The following SOCS7 variants were observed in gnomAD, a reference collection of about 807,000 sequenced individuals.
The protein encoded by SOCS7 is suppressor of cytokine signaling 7.
A neutral mutation model predicts 58.9 loss-of-function variants in SOCS7; 18 were observed. The ratio of observed to expected loss-of-function variants is 0.31; its 90% CI spans 0.21 to 0.45. The LOEUF (loss-of-function observed/expected upper bound fraction) is 0.45. SOCS7 is among the 20% of genes least tolerant of loss of function. SOCS7 has a pLI of 1.00. For missense variants in SOCS7, 667 were observed against 837.3 expected, an observed-to-expected ratio of 0.80 and a Z score of 2.51; for synonymous variants, 388 against 364.3, an observed-to-expected ratio of 1.06 and a Z score of -0.74.
At position 38,384,297 on chromosome 17, in the gene SOCS7, CTTTTG is replaced by C. The variant is rs773454963; in HGVS notation, c.1681+6476_1681+6480del. 1.5e-4 allele frequency among the ~76,000 whole-genome samples: 23 copies of C among 152,124 alleles called. No individual in the cohort carries two copies. In the East Asian group the frequency reaches 3.3e-3, roughly 22 times the overall value. Reference sequence around the variant, plus strand: ...TATTAGTGTTTAGTGTTTAAATATACTTTTGTTTTGTTTTGTTTTGTTTTGAGACA... The same window carrying C: ...TATTAGTGTTTAGTGTTTAAATATACTTTTGTTTTGTTTTGTTTTGAGACA... On this transcript the variant is annotated intron_variant, in intron 7 of 9. Coordinates refer to ENST00000612932, the MANE Select transcript of SOCS7 (RefSeq NM_014598.4).
At chr17:38,381,946 CAAAAAAAAAAAAAA>C (rs55949628) in intron 7 of SOCS7, among the ~76,000 whole-genome samples, 25 of 17,672 alleles carry the variant, frequency 1.4e-3, no homozygotes, top group Admixed American at 3.3e-3. Flanking sequence ...GACTCTGTCT[CAAAAAAAAAAAAAA>C]AAAAAAAAAA....
intron 7 of SOCS7, among the ~76,000 whole-genome samples, chr17:38,388,997 C>A (rs1321620715): frequency 1.3e-5 from 2 of 152,074 alleles, no homozygotes; most frequent in South Asian, 2.1e-4. Context: ...GGATATATTC[C>A]TAGGCGTGAA....
At chr17:38,389,861 G>GTACATATATATATA (rs2038128520) in intron 7 of SOCS7, among the ~76,000 whole-genome samples, 83 of 2,346 alleles carry the variant, frequency 0.035, 3 homozygotes, top group African/African-American at 0.071. Flanking sequence ...TGGTGTGTAT[G>GTACATATATATATA]TGTGTACATA....
At chr17:38,398,827 T>A (rs1424037720) in intron 9 of SOCS7, among the ~76,000 whole-genome samples, 1 of 152,128 alleles carries the variant, frequency 6.6e-6, no homozygotes, top group Non-Finnish European at 1.5e-5. Context: ...GTGTGATGGT[T>A]CACGTCTGTA....
intron 7 of SOCS7, among the ~76,000 whole-genome samples, chr17:38,384,045 G>C (rs1356518575): frequency 6.6e-6 from 1 of 152,110 alleles, no homozygotes; most frequent in African/African-American, 2.4e-5. Context: ...CACTGATGGG[G>C]CTCCCCTCCT....
Position 38,376,328 on chromosome 17 carries a change from A to C in SOCS7, c.1553-1386A>C, listed in dbSNP as rs114725248. On this transcript the variant is annotated intron_variant, in intron 6 of 9. Transcript: ENST00000612932. Reference sequence around the variant, plus strand: ...TAGCATGCCATTTCACCTTACACGCACATCTCTGGGATATGGGAGGAAACC... The same window carrying C: ...TAGCATGCCATTTCACCTTACACGCCCATCTCTGGGATATGGGAGGAAACC... 8.4e-3 allele frequency among the ~76,000 whole-genome samples: 1,275 copies of C among 152,200 alleles called. 15 individuals are homozygous for C. The highest frequency in any genetic ancestry group is 0.028 in the African/African-American group (1,165 of 41,508).
At chr17:38,372,220 T>G (rs1206809364) in intron 6 of SOCS7, among the ~76,000 whole-genome samples, 1 of 152,218 alleles carries the variant, frequency 6.6e-6, no homozygotes. Context: ...AGGTATGTTA[T>G]GAATGAATAA....
chr17:38,388,166 G>A (rs867982148), intron 7 of SOCS7, among the ~76,000 whole-genome samples: 1 of 151,988 alleles, frequency 6.6e-6, no homozygotes, highest in Non-Finnish European at 1.5e-5. Flanking sequence ...TCATGTCGGG[G>A]TATTTTTCCC....
intron 6 of SOCS7, among the ~76,000 whole-genome samples, chr17:38,377,443 T>C (rs2037946007): frequency 6.6e-6 from 1 of 152,130 alleles, no homozygotes; most frequent in Non-Finnish European, 1.5e-5. Context: ...TCTGAAACAC[T>C]TCTGGTCTCA....
chr17:38,356,631 C>T (rs1166124941), intron 1 of SOCS7, among the ~76,000 whole-genome samples: 2 of 152,098 alleles, frequency 1.3e-5, no homozygotes, highest in Non-Finnish European at 2.9e-5. Flanking sequence ...TCCCAAAGTG[C>T]TGGGATTACA....
rs77155895 is a variant in SOCS7 at position 38,397,279 on chromosome 17, G to A, written c.*30+1281G>A. On this transcript the variant is annotated intron_variant, in intron 9 of 9. Transcript: ENST00000612932. Reference sequence around the variant, plus strand: ...TCTCTGTGGTTCCAGTGGGGAGCAAGTTCAGCATTACGCTTATTCTTTGCC... The same window carrying A: ...TCTCTGTGGTTCCAGTGGGGAGCAAATTCAGCATTACGCTTATTCTTTGCC... Among the ~76,000 whole-genome samples the A allele has an allele frequency of 9.9e-3, 1,508 of 152,332 alleles. 22 individuals carry two copies. The highest frequency in any genetic ancestry group is 0.033 in the African/African-American group (1,376 of 41,576).
chr17:38,392,449 G>A (rs2038184228), intron 7 of SOCS7, among the ~76,000 whole-genome samples: 1 of 152,144 alleles, frequency 6.6e-6, no homozygotes, highest in Admixed American at 6.5e-5. Context: ...ATCCCCCAAA[G>A]CTTTCTGTTT....
intron 6 of SOCS7, among the ~76,000 whole-genome samples, chr17:38,370,831 A>G (rs905503493): frequency 9.2e-5 from 14 of 151,502 alleles, no homozygotes; most frequent in African/African-American, 3.4e-4. Context: ...TTGTATTTTT[A>G]GTAGAGACGG....
At chr17:38,393,056 C>CT (rs1005625802) in intron 7 of SOCS7, among the ~76,000 whole-genome samples, 92 of 152,080 alleles carry the variant, frequency 6.0e-4, no homozygotes, top group African/African-American at 2.2e-3. Context: ...GTCACCTAGG[C>CT]TGGAGTGCAG....
chr17:38,363,976 G>T (rs1423561667), intron 2 of SOCS7, among the ~76,000 whole-genome samples: 6 of 152,136 alleles, frequency 3.9e-5, no homozygotes, highest in Non-Finnish European at 8.8e-5. Flanking sequence ...AGTGGAGAGG[G>T]AATAGACAGA....
intron 6 of SOCS7, among the ~76,000 whole-genome samples, chr17:38,370,827 T>C (rs2037853599): frequency 6.6e-6 from 1 of 151,962 alleles, no homozygotes; most frequent in South Asian, 2.1e-4. Context: ...ATTTTTGTAT[T>C]TTTAGTAGAG....
intron 9 of SOCS7, among the ~76,000 whole-genome samples, chr17:38,398,959 G>T (rs555073293): frequency 6.6e-6 from 1 of 151,922 alleles, no homozygotes; most frequent in South Asian, 2.1e-4. Flanking sequence ...GCATGGTGGC[G>T]CATGCCTGTA....
intron 6 of SOCS7, 118 bp from the exon 7 acceptor site, chr17:38,377,596 C>T: frequency 1.2e-6 from 1 of 838,636 alleles, no homozygotes; most frequent in Non-Finnish European, 1.8e-6. Flanking sequence ...ACCTTTGAGC[C>T]AGCTTGCCCC....
chr17:38,398,818 T>A (rs987211877), intron 9 of SOCS7, among the ~76,000 whole-genome samples: 9 of 152,044 alleles, frequency 5.9e-5, no homozygotes, highest in African/African-American at 2.2e-4. Context: ...TCTGGCCAGG[T>A]GTGATGGTTC....
Sources: allele counts gnomAD v4.1 joint callset (sites outside exome capture counted in the v4.1 genomes callset), GRCh38; gene constraint gnomAD v4.1.1; transcripts MANE v1.5; gene names NCBI Gene and HGNC (gene_info 2026-07-23, HGNC 2026-07-21).